The following TMEM74 variants were observed in gnomAD, a reference collection of about 807,000 sequenced individuals.
TMEM74 encodes transmembrane protein 74.
In TMEM74, 13 loss-of-function variants were observed where a neutral mutation model predicts 18.1. The ratio of observed to expected loss-of-function variants is 0.72; its 90% confidence interval spans 0.47 to 1.14. The LOEUF (loss-of-function observed/expected upper bound fraction) is 1.14. TMEM74 is among the 50% of genes most tolerant of loss of function. The pLI is 0.00. For missense variants in TMEM74, 372 were observed against 375.9 expected, an observed-to-expected ratio of 0.99 and a Z score of 0.09; for synonymous variants, 159 against 146.6, an observed-to-expected ratio of 1.08 and a Z score of -0.61.
chr8:108,750,963 CT>C (rs1338829739), intron 1 of TMEM74, among the ~76,000 whole-genome samples: 1 of 152,130 alleles, frequency 6.6e-6, no homozygotes, highest in Admixed American at 6.6e-5. Flanking sequence ...TTGCTTTCAT[CT>C]CTTTTTCTGC....
chr8:108,715,811 A>C (rs1813517857), intron 1 of TMEM74, among the ~76,000 whole-genome samples: 1 of 152,066 alleles, frequency 6.6e-6, no homozygotes, highest in South Asian at 2.1e-4. Context: ...ATAAAACAAA[A>C]ATTAAATTAT....
At chr8:108,693,170 CG>C (rs1427897316) in intron 1 of TMEM74, among the ~76,000 whole-genome samples, 1 of 152,022 alleles carries the variant, frequency 6.6e-6, no homozygotes, top group African/African-American at 2.4e-5. Flanking sequence ...ACACATAAGC[CG>C]GTATGGCTGG....
intron 1 of TMEM74, among the ~76,000 whole-genome samples, chr8:108,691,535 T>C (rs1056575996): frequency 6.6e-6 from 1 of 152,236 alleles, no homozygotes; most frequent in African/African-American, 2.4e-5. Flanking sequence ...ACTGGAAATG[T>C]TCATTGGCAA....
At chr8:108,753,635 A>G (rs1275100149) in intron 1 of TMEM74, among the ~76,000 whole-genome samples, 2 of 152,126 alleles carry the variant, frequency 1.3e-5, no homozygotes, top group Non-Finnish European at 2.9e-5. Flanking sequence ...TGCCTATTCC[A>G]GCTATCAGAT....
chr8:108,735,363 C>G (rs188613821), intron 1 of TMEM74, among the ~76,000 whole-genome samples: 1 of 152,152 alleles, frequency 6.6e-6, no homozygotes. Flanking sequence ...CCTTCTATCC[C>G]CCCATTTCCC....
intron 1 of TMEM74, among the ~76,000 whole-genome samples, chr8:108,765,801 A>T (rs1012196170): frequency 7.9e-5 from 12 of 152,132 alleles, no homozygotes; most frequent in Admixed American, 2.6e-4. Flanking sequence ...GACTGTACAT[A>T]TTGTCCTAAA....
At chr8:108,706,901 G>T (rs999677862) in intron 1 of TMEM74, among the ~76,000 whole-genome samples, 2 of 151,796 alleles carry the variant, frequency 1.3e-5, no homozygotes, top group African/African-American at 2.4e-5. Flanking sequence ...AGTCACAGGG[G>T]CAGTAGATGG....
At chr8:108,678,847 T>G (rs1813083087) in intron 1 of TMEM74, among the ~76,000 whole-genome samples, 1 of 151,394 alleles carries the variant, frequency 6.6e-6, no homozygotes, top group Non-Finnish European at 1.5e-5. Flanking sequence ...GCTGCACCCA[T>G]TAACTCATCA....
chr8:108,650,479 A>G (rs532794640), intron 2 of TMEM74, among the ~76,000 whole-genome samples: 1 of 152,278 alleles, frequency 6.6e-6, no homozygotes, highest in East Asian at 1.9e-4. Flanking sequence ...ATAAAACTCC[A>G]TACCATTGGG....
At chr8:108,709,455 T>C (rs917810488) in intron 1 of TMEM74, among the ~76,000 whole-genome samples, 3 of 152,174 alleles carry the variant, frequency 2.0e-5, no homozygotes, top group African/African-American at 7.2e-5. Context: ...TTGATTCTAC[T>C]TACATGAGGT....
intron 1 of TMEM74, among the ~76,000 whole-genome samples, chr8:108,694,604 G>T (rs1472142887): frequency 3.9e-5 from 6 of 152,302 alleles, no homozygotes; most frequent in African/African-American, 1.4e-4. Flanking sequence ...TCAGTATACA[G>T]TTCCTGACAC....
downstream of TMEM74, among the ~76,000 whole-genome samples, chr8:108,776,154 G>A (rs1293836713): frequency 6.6e-6 from 1 of 152,182 alleles, no homozygotes; most frequent in Admixed American, 6.5e-5. Flanking sequence ...TCAACCAAAT[G>A]ACAGGATTTT....
intron 1 of TMEM74, among the ~76,000 whole-genome samples, chr8:108,666,374 A>C (rs1194408424): frequency 6.6e-6 from 1 of 152,188 alleles, no homozygotes; most frequent in African/African-American, 2.4e-5. Context: ...ATAATTCCTA[A>C]AAGAATTTAA....
intron 1 of TMEM74, among the ~76,000 whole-genome samples, chr8:108,710,950 A>T (rs1813468611): frequency 6.6e-6 from 1 of 152,194 alleles, no homozygotes; most frequent in African/African-American, 2.4e-5. Flanking sequence ...AAGCGGAGTT[A>T]TATGCCTGCG....
chr8:108,776,362 A>T (rs1814233792), downstream of TMEM74, among the ~76,000 whole-genome samples: 1 of 152,226 alleles, frequency 6.6e-6, no homozygotes, highest in South Asian at 2.1e-4. Context: ...GTGCAGTGGC[A>T]GGTGCCTGTA....
At chr8:108,624,329 T>A (rs1180748374) in intron 2 of TMEM74, among the ~76,000 whole-genome samples, 1 of 152,082 alleles carries the variant, frequency 6.6e-6, no homozygotes, top group Non-Finnish European at 1.5e-5. Flanking sequence ...ATTTGGGTGA[T>A]CCTTGTGAAC....
chr8:108,624,684 A>G (rs1035647290), intron 2 of TMEM74, among the ~76,000 whole-genome samples: 1 of 152,066 alleles, frequency 6.6e-6, no homozygotes, highest in Admixed American at 6.6e-5. Context: ...CTGAACATGT[A>G]ATTAATAGGC....
downstream of TMEM74, among the ~76,000 whole-genome samples, chr8:108,774,446 A>T (rs996840308): frequency 1.2e-4 from 18 of 152,220 alleles, no homozygotes; most frequent in African/African-American, 4.1e-4. Flanking sequence ...AGCCCCCCAA[A>T]CCAGGCTGCT....
intron 1 of TMEM74, among the ~76,000 whole-genome samples, chr8:108,759,638 A>C (rs952652558): frequency 1.3e-5 from 2 of 152,162 alleles, no homozygotes; most frequent in African/African-American, 4.8e-5. Flanking sequence ...GTATGTACAC[A>C]GATGTGGTCT....
Sources: allele counts gnomAD v4.1 joint callset (sites outside exome capture counted in the v4.1 genomes callset), GRCh38; gene constraint gnomAD v4.1.1; transcripts MANE v1.5; gene names NCBI Gene and HGNC (gene_info 2026-07-23, HGNC 2026-07-21).